ZNF721: variants seen among roughly 807,000 people sequenced by gnomAD.
ZNF721 encodes zinc finger protein 721.
Under a neutral mutation model 2.4 loss-of-function variants are expected in ZNF721, and 2 were observed. The observed-to-expected ratio is 0.82, with a 90% CI of 0.34 to 2.58. The LOEUF (loss-of-function observed/expected upper bound fraction) is 2.58. Ranked by LOEUF, ZNF721 falls within the 30% of genes most tolerant of loss-of-function variation. ZNF721 has a pLI of 0.11. For missense variants in ZNF721, 1,187 were observed against 1,085.5 expected, an observed-to-expected ratio of 1.09 and a Z score of -1.31; for synonymous variants, 398 against 381.8, an observed-to-expected ratio of 1.04 and a Z score of -0.50.
At chr4:463,158 CTCA>C (rs1402062584) in intron 2 of ZNF721, among the ~76,000 whole-genome samples, 1 of 152,190 alleles carries the variant, frequency 6.6e-6, no homozygotes, top group Non-Finnish European at 1.5e-5. Flanking sequence ...TGAGAAAAAG[CTCA>C]TCGTCACTGG....
rs782007947 is a variant in ZNF721, at chr4:442,589, C to A, written c.1878G>T (p.Thr626=). The change falls in exon 3 of 3, where the codon ACG becomes ACT. Residue 626 remains threonine (T), a synonymous_variant. Transcript: ENST00000511833. ...AAATTTTCTTCTGTTGATTCAGGTC[C>A]GTGTACCATACAAAGTCTTTGCCAC... ...EECGKDFVWY[T]DLNQQKKIYT... 1 of 1,600,756 alleles carries A rather than the reference C, an allele frequency of 6.2e-7. No homozygotes were observed. Among genetic ancestry groups the A allele is most frequent in the Non-Finnish European group, 8.5e-7 (1 of 1,175,908 alleles).
intron 2 of ZNF721, among the ~76,000 whole-genome samples, chr4:445,238 C>G (rs1156908302): frequency 6.6e-6 from 1 of 152,214 alleles, no homozygotes; most frequent in East Asian, 1.9e-4. Context: ...CTGCCTCAGC[C>G]TCCTAAAGTT....
Position 444,277 on chromosome 4 carries a change from C to T in ZNF721, c.190G>A (p.Gly64Arg). The T allele has an allele frequency of 6.2e-7, 1 of 1,613,924 alleles. No individual in the cohort carries two copies. Residue 64 changes from glycine (G) to arginine (R), a missense_variant, in exon 3 of 3, where the codon GGA becomes AGA. Coordinates refer to ENST00000511833, the MANE Select transcript of ZNF721 (RefSeq NM_133474.4). ...CATTTATTAATTCCATTATAAACTC[C>T]CTTCTGCACTTTACACACGTTCATA... ...KSMNVCKVQK[G>R]VYNGINKCLS...
rs1361290970 is a variant in ZNF721, at chr4:442,066, T to C, written c.2401A>G (p.Arg801Gly). ...AAGGGTTTCTCACCTGTATGAATCC[T>C]CTTATGTTTAGCAAAGCTTGAGGAT... is the stretch of plus-strand genomic sequence containing the variant. ...TSSSSFAKHK[R>G]IHTGEKPFKC... Residue 801 changes from arginine to glycine, a missense_variant, in exon 3 of 3, where the codon AGG becomes GGG. Arg to Gly is a moderately radical substitution (Grantham distance 125, BLOSUM62 -2). Coordinates refer to ENST00000511833, the MANE Select transcript of ZNF721 (RefSeq NM_133474.4). 2.1e-5 allele frequency: 34 copies of C among 1,613,822 alleles called. No individual in the cohort carries two copies. The highest frequency in any genetic ancestry group is 3.3e-5 in the Admixed American group (2 of 60,002).
chr4:444,267 T>C lies in ZNF721; in HGVS notation c.200A>G (p.Asn67Ser). The change falls in exon 3 of 3, where the codon AAT becomes AGT. Residue 67 changes from asparagine to serine, a missense_variant. By Grantham distance (46) the Asn-to-Ser change is conservative (BLOSUM62 1). Transcript: ENST00000511833. ...NVCKVQKGVY[N>S]GINKCLSNTQ... The stretch of plus-strand genomic sequence containing the variant: ...ATTTGACAAGCATTTATTAATTCCA[T>C]TATAAACTCCCTTCTGCACTTTACA... 1 of 1,613,956 alleles carries C rather than the reference T, an allele frequency of 6.2e-7. No homozygotes were observed. The highest frequency in any genetic ancestry group is 8.5e-7 in the Non-Finnish European group (1 of 1,179,876).
In ZNF721 at chr4:499,085, C is replaced by G; in HGVS notation, c.-123G>C. 1.9e-6 allele frequency: 1 copy of G among 538,772 alleles called. No homozygotes were observed. The highest frequency in any genetic ancestry group is 3.2e-6 in the Non-Finnish European group (1 of 309,378). The allele number at this position is 538,772 out of a possible 1,614,324, so 33.4% of individuals were successfully genotyped here. On this transcript the variant is annotated 5_prime_UTR_variant, in exon 1 of 3. Coordinates refer to ENST00000511833, the MANE Select transcript of ZNF721 (RefSeq NM_133474.4). ...CCGTGGGCGGCGACCGTCGCGGACTCGCCGGGAAGACGGCCCCACGGAGCC... is the reference window on the plus strand; with the variant it reads ...CCGTGGGCGGCGACCGTCGCGGACTGGCCGGGAAGACGGCCCCACGGAGCC...
chr4:442,572 TTC>T lies in ZNF721; in HGVS notation c.1893_1894del (p.Lys632GlufsTer12). ...AGGTTTCTCCCCAGTGTAAATTTTC[TTC>T]TGTTGATTCAGGTCCGTGTACCATA... On this transcript the variant is annotated frameshift_variant, in exon 3 of 3. Coordinates refer to ENST00000511833, the MANE Select transcript of ZNF721 (RefSeq NM_133474.4). LOFTEE classifies it low-confidence loss of function (END_TRUNC). The T allele has an allele frequency of 2.5e-6, 4 of 1,613,494 alleles. No homozygotes were observed. The highest frequency in any genetic ancestry group is 3.4e-6 in the Non-Finnish European group (4 of 1,179,760).
intron 1 of ZNF721, among the ~76,000 whole-genome samples, chr4:481,080 C>G (rs1267423959): frequency 2.0e-5 from 3 of 152,132 alleles, no homozygotes; most frequent in African/African-American, 7.2e-5. Flanking sequence ...GGCCACCACA[C>G]CTGGCTGATT....
chr4:486,912 C>G (rs1434133839), intron 1 of ZNF721, among the ~76,000 whole-genome samples: 16 of 152,114 alleles, frequency 1.1e-4, no homozygotes, highest in Non-Finnish European at 2.1e-4. Context: ...GGATGACATT[C>G]TCAAAAAAAT....
At chr4:475,565 C>T (rs367947016) in intron 1 of ZNF721, among the ~76,000 whole-genome samples, 21 of 152,190 alleles carry the variant, frequency 1.4e-4, no homozygotes, top group African/African-American at 4.3e-4. Context: ...GCTAAAATCA[C>T]CTTCATATGC....
intron 1 of ZNF721, among the ~76,000 whole-genome samples, chr4:498,292 G>A (rs1553873106): frequency 4.0e-5 from 6 of 151,766 alleles, no homozygotes; most frequent in Non-Finnish European, 8.8e-5. Flanking sequence ...AACAGGGAGG[G>A]GGCTTCCAGG....
At chr4:472,766 G>C in intron 1 of ZNF721, 65 bp from the exon 2 acceptor site, 2 of 1,595,148 alleles carry the variant, frequency 1.3e-6, no homozygotes, top group Non-Finnish European at 1.7e-6. Flanking sequence ...TGTGTTAAGA[G>C]AACCAGTTCT....
At position 443,726 on chromosome 4, in the gene ZNF721, T is replaced by A; in HGVS notation, c.741A>T (p.Lys247Asn). 1 of 1,614,096 alleles carries A rather than the reference T, an allele frequency of 6.2e-7. No homozygotes were observed. The highest frequency in any genetic ancestry group is 1.3e-5 in the African/African-American group (1 of 75,064). The change falls in exon 3 of 3, where the codon AAA (lysine) becomes AAT (asparagine). Residue 247 changes from lysine to asparagine, a missense_variant. By Grantham distance (94) the Lys-to-Asn change is moderately conservative. Transcript: ENST00000511833. ...TGCCACATTCCTTACATTTGTAGGG[T>A]TTCTCTCCAGTATGAATTTTCTCAT... ...NKHEKIHTGEKPYKCKECGKV... is the reference protein window; with the variant it reads ...NKHEKIHTGENPYKCKECGKV...
intron 2 of ZNF721, among the ~76,000 whole-genome samples, chr4:455,170 C>T (rs1714807407): frequency 6.6e-6 from 1 of 152,142 alleles, no homozygotes; most frequent in Non-Finnish European, 1.5e-5. Flanking sequence ...GCTTATATAC[C>T]TACATTGCCA....
chr4:445,142 G>A (rs946169962), intron 2 of ZNF721, among the ~76,000 whole-genome samples: 3 of 151,608 alleles, frequency 2.0e-5, no homozygotes, highest in African/African-American at 4.9e-5. Context: ...CTACCACCAC[G>A]CCCAGCTAAT....
chr4:450,161 T>G (rs1714605010), intron 2 of ZNF721, among the ~76,000 whole-genome samples: 2 of 152,164 alleles, frequency 1.3e-5, no homozygotes, highest in African/African-American at 4.8e-5. Flanking sequence ...CTGGAACATA[T>G]GTAAGTTCTA....
In ZNF721 at chr4:443,202, C is replaced by A. The variant is rs376220761; in HGVS notation, c.1265G>T (p.Arg422Leu). 6.2e-7 allele frequency: 1 copy of A among 1,613,826 alleles called. No individual in the cohort carries two copies. Among genetic ancestry groups the A allele is most frequent in the African/African-American group, 1.3e-5 (1 of 74,972 alleles). ...TREKPYTCED[R>L]GRAFGLSTNL... ...TGTGGACAATCCAAAGGCTCTGCCA[C>A]GATCTTCACATGTGTAGGGTTTCTC... is the stretch of plus-strand genomic sequence containing the variant. The change falls in exon 3 of 3, where the codon CGT (arginine) becomes CTT (leucine). Residue 422 changes from arginine to leucine, a missense_variant. By Grantham distance (102) the Arg-to-Leu change is moderately radical (BLOSUM62 -2). Coordinates refer to ENST00000511833, the MANE Select transcript of ZNF721 (RefSeq NM_133474.4).
chr4:489,589 G>A (rs1332691911), intron 1 of ZNF721, among the ~76,000 whole-genome samples: 2 of 152,132 alleles, frequency 1.3e-5, no homozygotes, highest in Admixed American at 1.3e-4. Context: ...TTGAGCCTGA[G>A]GAGAAAAGTT....
rs1305706794 is a variant in ZNF721 at position 440,822 on chromosome 4, T to C, written c.*873A>G. ...CTGGGATTACAGCCATGCACCACCATGTCCTGCTAATTTTTGTATTTTTAG... is the reference window on the plus strand; with the variant it reads ...CTGGGATTACAGCCATGCACCACCACGTCCTGCTAATTTTTGTATTTTTAG... On this transcript the variant is annotated 3_prime_UTR_variant, in exon 3 of 3. Coordinates refer to ENST00000511833, the MANE Select transcript of ZNF721 (RefSeq NM_133474.4). 3 of 152,270 alleles carry C rather than the reference T, an allele frequency of 2.0e-5. No individual in the cohort carries two copies. The highest frequency in any genetic ancestry group is 2.9e-5 in the Non-Finnish European group (2 of 68,082). 9.4% of individuals were successfully genotyped at this position (152,270 alleles called of 1,614,324 possible).
Sources: gnomAD v4.1 joint callset for allele counts (sites outside exome capture counted in the v4.1 genomes callset) on GRCh38, gnomAD v4.1.1 for gene constraint, MANE v1.5 for transcripts, NCBI Gene and HGNC (gene_info 2026-07-23, HGNC 2026-07-21) for gene names.